The following EIF3E variants were observed in gnomAD, a reference collection of about 807,000 sequenced individuals.
The protein encoded by EIF3E is eukaryotic translation initiation factor 3 subunit E.
Under a neutral mutation model 59.3 loss-of-function variants are expected in EIF3E, and 25 were observed. That is an observed-to-expected ratio of 0.42 (90% CI 0.31 to 0.59). The LOEUF is 0.59. EIF3E is among the 20% of genes least tolerant of loss of function. The pLI, the probability that EIF3E is intolerant of heterozygous loss-of-function variation, is 0.15. For missense variants in EIF3E, 317 were observed against 534.3 expected (o/e 0.59, Z 4.01); for synonymous variants, 176 against 170.2 (o/e 1.03, Z -0.26).
At position 108,228,400 on chromosome 8, in the gene EIF3E, T is replaced by G; in HGVS notation, c.598-9A>C. ...AGTGGAGAACTCACAGACTAAAGGA[T>G]TTAAAAATATATACATAAAAAATAT... On this transcript the variant is annotated splice_polypyrimidine_tract_variant and intron_variant, in intron 6 of 12. Coordinates refer to ENST00000220849, the MANE Select transcript of EIF3E (RefSeq NM_001568.3). The G allele has an allele frequency of 6.7e-7, 1 of 1,493,232 alleles. No individual in the cohort carries two copies. 92.5% of individuals were successfully genotyped at this position (1,493,232 alleles called of 1,614,324 possible).
intron 12 of EIF3E, 148 bp from the exon 13 acceptor site, chr8:108,202,071 G>A (rs902549466): frequency 2.6e-5 from 16 of 625,712 alleles, no homozygotes; most frequent in African/African-American, 2.3e-4. Flanking sequence ...ATTACTAGAT[G>A]TCAGATGTCC....
intron 7 of EIF3E, chr8:108,226,191 CTTTTTTTTTTT>C (rs11326241): frequency 1.6e-5 from 2 of 126,330 alleles, no homozygotes; most frequent in African/African-American, 6.1e-5. Flanking sequence ...TTCAATAATT[CTTTTTTTTTTT>C]TTTTTTTTGA....
chr8:108,236,349 A>G lies in EIF3E; in HGVS notation c.324-146T>C, dbSNP rs1815728769. On this transcript the variant is annotated intron_variant, in intron 3 of 12. Transcript: ENST00000220849. ...AGACTTCCAGAATAAAATAAGCAGGACATTACATGTTTTGAATATAAGAAG... is the reference window on the plus strand; with the variant it reads ...AGACTTCCAGAATAAAATAAGCAGGGCATTACATGTTTTGAATATAAGAAG... 11 of 594,378 alleles carry G rather than the reference A, an allele frequency of 1.9e-5. No homozygotes were observed. The South Asian group carries it at 2.5e-4, about 14-fold the overall frequency. 36.8% of individuals were successfully genotyped at this position (594,378 alleles called of 1,614,324 possible). A position where few individuals can be genotyped will look rare whatever the true frequency, so the allele number is the denominator to read the frequency against.
chr8:108,203,360 C>A, intron 11 of EIF3E, 41 bp downstream of exon 11: 1 of 1,543,118 alleles, frequency 6.5e-7, no homozygotes, highest in South Asian at 1.1e-5. Flanking sequence ...AAAGTATAAT[C>A]AGGAACTGAT....
At position 108,239,952 on chromosome 8, in the gene EIF3E, G is replaced by C; in HGVS notation, c.323+6C>G. On this transcript the variant is annotated splice_donor_region_variant and intron_variant, in intron 3 of 12. Transcript: ENST00000220849. The stretch of plus-strand genomic sequence containing the variant: ...TTTTTAGAATTCAAAATTAAGACGA[G>C]TTTACCTGGTTGACTGCATTTGCCT... 6.2e-7 allele frequency: 1 copy of C among 1,605,806 alleles called. No homozygotes were observed. Among genetic ancestry groups the C allele is most frequent in the Non-Finnish European group, 8.5e-7 (1 of 1,172,822 alleles).
intron 10 of EIF3E, among the ~76,000 whole-genome samples, chr8:108,213,264 C>T (rs16877456): frequency 0.17 from 26,617 of 152,102 alleles, 2,770 homozygotes; most frequent in East Asian, 0.4. Context: ...GATAGTACCT[C>T]GGAAGCAAAC....
At chr8:108,232,797 T>A (rs1270330247) in intron 5 of EIF3E, among the ~76,000 whole-genome samples, 2 of 152,164 alleles carry the variant, frequency 1.3e-5, no homozygotes, top group Non-Finnish European at 2.9e-5. Flanking sequence ...AGAGTTTCAA[T>A]ATCTGGATTT....
intron 5 of EIF3E, among the ~76,000 whole-genome samples, chr8:108,231,142 T>C (rs1045200131): frequency 6.6e-6 from 1 of 152,110 alleles, no homozygotes; most frequent in Non-Finnish European, 1.5e-5. Context: ...TAAAAACTGG[T>C]TTATCAAAAT....
chr8:108,202,658 T>A (rs561214229), intron 12 of EIF3E, among the ~76,000 whole-genome samples: 1 of 152,178 alleles, frequency 6.6e-6, no homozygotes, highest in Admixed American at 6.5e-5. Flanking sequence ...GAAAGAGGGC[T>A]ACACATGTAA....
intron 10 of EIF3E, 33 bp from the exon 11 acceptor site, chr8:108,203,536 A>C (rs138801576): frequency 1.0e-4 from 161 of 1,583,800 alleles, no homozygotes; most frequent in Non-Finnish European, 1.3e-4. Context: ...AATGTTAATT[A>C]ACTGGGCCTA....
chr8:108,225,832 G>T (rs1441373374), intron 7 of EIF3E, among the ~76,000 whole-genome samples: 2 of 147,426 alleles, frequency 1.4e-5, no homozygotes, highest in African/African-American at 5.4e-5. Context: ...GCAACTGAAG[G>T]TCTGCAAAAA....
intron 7 of EIF3E, among the ~76,000 whole-genome samples, chr8:108,225,065 C>A (rs1334750862): frequency 6.6e-6 from 1 of 151,634 alleles, no homozygotes; most frequent in East Asian, 1.9e-4. Flanking sequence ...TCACGGCTGT[C>A]CTTAAGGAAA....
intron 12 of EIF3E, among the ~76,000 whole-genome samples, chr8:108,202,526 TATGA>T (rs1225239702): frequency 6.6e-6 from 1 of 152,094 alleles, no homozygotes; most frequent in Admixed American, 6.6e-5. Flanking sequence ...TAATTTTTGA[TATGA>T]ATATCAGATG....
chr8:108,220,683 T>C (rs1249516106), intron 7 of EIF3E, among the ~76,000 whole-genome samples: 3 of 152,210 alleles, frequency 2.0e-5, no homozygotes, highest in Non-Finnish European at 4.4e-5. Flanking sequence ...GGGGGCACTT[T>C]CAATCTCTCC....
intron 5 of EIF3E, 83 bp from the exon 6 acceptor site, chr8:108,229,278 C>A: frequency 7.3e-7 from 1 of 1,368,112 alleles, no homozygotes; most frequent in Admixed American, 2.3e-5. Context: ...ATGTATCCCT[C>A]TAGCCTACTA....
chr8:108,201,907 G>A lies in EIF3E; in HGVS notation c.1316C>T (p.Thr439Ile). Residue 439 changes from threonine to isoleucine, a missense_variant, in exon 13 of 13, where the codon ACT becomes ATT. Transcript: ENST00000220849. ...NSRSEAPNWA[T>I]QDSGFY The stretch of plus-strand genomic sequence containing the variant: ...TCTTCAGTAGAAGCCAGAATCTTGA[G>A]TTGCCCAGTTAGGAGCCTAAAATAT... The A allele has an allele frequency of 1.3e-6, 2 of 1,573,012 alleles. No individual in the cohort carries two copies. Among genetic ancestry groups the A allele is most frequent in the Non-Finnish European group, 8.6e-7 (1 of 1,159,884 alleles).
At position 108,241,910 on chromosome 8, in the gene EIF3E, A is replaced by G. The variant is rs767123020; in HGVS notation, c.94T>C (p.Tyr32His). ...CCTTGTAATAATTCCTTTTCATTAT[A>G]TATCTGCAAAAGAAGATAACTTTCT... ...LLEFLSVKEI[Y>H]NEKELLQGKL... The change falls in exon 2 of 13, where the codon TAT (tyrosine) becomes CAT (histidine). Residue 32 changes from tyrosine (Y) to histidine (H), a missense_variant. Physicochemically the swap from Tyr to His is moderately conservative, Grantham distance 83 (BLOSUM62 2). This residue lies in a region of EIF3E where 242 missense variants were observed against 398.0 expected (regional missense o/e 0.61). Transcript: ENST00000220849. The G allele has an allele frequency of 6.4e-7, 1 of 1,559,622 alleles. No homozygotes were observed. Among genetic ancestry groups the G allele is most frequent in the East Asian group, 2.3e-5 (1 of 44,388 alleles).
chr8:108,240,872 C>G (rs1449892883), intron 2 of EIF3E, among the ~76,000 whole-genome samples: 3 of 151,748 alleles, frequency 2.0e-5, no homozygotes, highest in Non-Finnish European at 4.4e-5. Context: ...CCCAGCTACT[C>G]GGGAGGCTGA....
At chr8:108,213,026 A>C (rs145877866) in intron 10 of EIF3E, among the ~76,000 whole-genome samples, 57 of 151,920 alleles carry the variant, frequency 3.8e-4, no homozygotes, top group African/African-American at 8.2e-4. Flanking sequence ...GGAAGTAATA[A>C]AAATCTACAC....
Sources: gnomAD v4.1 joint callset for allele counts (sites outside exome capture counted in the v4.1 genomes callset) on GRCh38, gnomAD v4.1.1 for gene constraint, gnomAD v4.1.1 regional missense constraint, MANE v1.5 for transcripts, NCBI Gene and HGNC (gene_info 2026-07-23, HGNC 2026-07-21) for gene names.